The following NOS1 variants were observed in gnomAD, a reference collection of about 807,000 sequenced individuals.
NOS1 encodes the protein nitric oxide synthase 1.
A neutral mutation model predicts 164.5 loss-of-function variants in NOS1; 51 were observed. The observed-to-expected ratio is 0.31, with a 90% CI of 0.25 to 0.39. The LOEUF (loss-of-function observed/expected upper bound fraction) is 0.39. Among genes scored for constraint, NOS1 ranks in the 10% least tolerant of loss-of-function variants. The probability of loss-of-function intolerance (pLI) is 1.00; values close to 1 mark genes in which losing one functional copy is unlikely to be tolerated. For missense variants in NOS1, 1,362 were observed against 1,885.6 expected, an observed-to-expected ratio of 0.72 and a Z score of 5.14; for synonymous variants, 719 against 745.8, an observed-to-expected ratio of 0.96 and a Z score of 0.59.
chr12:117,226,987 C>G (rs2293047), intron 23 of NOS1, among the ~76,000 whole-genome samples: 1 of 151,900 alleles, frequency 6.6e-6, no homozygotes, highest in Non-Finnish European at 1.5e-5. Context: ...AGGGGTGGGT[C>G]GGATTCGAAT....
chr12:117,279,091 T>C lies in NOS1; in HGVS notation c.1525-993A>G, dbSNP rs541301314. 4.3e-4 allele frequency among the ~76,000 whole-genome samples: 66 copies of C among 152,152 alleles called. 1 individual carries two copies. Among genetic ancestry groups the C allele is most frequent in the African/African-American group, 1.5e-3 (63 of 41,552 alleles). On this transcript the variant is annotated intron_variant, in intron 8 of 28. Transcript: ENST00000317775. ...ATTACTATTTCAACATTAAAAATGA[T>C]CAATGGGCCGGGCGCGGTGGCTCAC... is the stretch of plus-strand genomic sequence containing the variant.
At chr12:117,274,044 G>T (rs1872983237) in intron 9 of NOS1, among the ~76,000 whole-genome samples, 1 of 152,058 alleles carries the variant, frequency 6.6e-6, no homozygotes, top group Non-Finnish European at 1.5e-5. Flanking sequence ...AAGAATGGGG[G>T]AAAATATCTG....
chr12:117,318,092 A>C (rs1874749734), intron 2 of NOS1, among the ~76,000 whole-genome samples: 1 of 152,186 alleles, frequency 6.6e-6, no homozygotes, highest in Admixed American at 6.5e-5. Flanking sequence ...GAATCACTTG[A>C]GCCCAGGAGT....
intron 1 of NOS1, among the ~76,000 whole-genome samples, chr12:117,357,852 T>C (rs147654907): frequency 2.0e-4 from 31 of 152,226 alleles, no homozygotes; most frequent in African/African-American, 7.2e-4. Context: ...TGGTCATGTC[T>C]GTAACCTATG....
At chr12:117,311,372 T>C (rs1874423024) in intron 3 of NOS1, 94 bp downstream of exon 3, 2 of 1,406,210 alleles carry the variant, frequency 1.4e-6, no homozygotes, top group African/African-American at 2.9e-5. Context: ...ATGACACAGT[T>C]TAGGATTTAG....
chr12:117,211,356 C>A lies in NOS1; in HGVS notation c.*3953G>T. The A allele has an allele frequency of 1.0e-6, 1 of 985,404 alleles. No individual in the cohort carries two copies. Among genetic ancestry groups the A allele is most frequent in the Non-Finnish European group, 1.2e-6 (1 of 830,006 alleles). The allele number at this position is 985,404 out of a possible 1,614,324, so 61.0% of individuals were successfully genotyped here. A position where few individuals can be genotyped will look rare whatever the true frequency, so the allele number is the denominator to read the frequency against. On this transcript the variant is annotated 3_prime_UTR_variant, in exon 29 of 29. Coordinates refer to ENST00000317775, the MANE Select transcript of NOS1 (RefSeq NM_000620.5). ...CCTGGAGTCTCTTTATCACTACATC[C>A]GCCTCTTCCCTCACTCAAGCCTTGG... is the stretch of plus-strand genomic sequence containing the variant.
At chr12:117,260,129 A>C (rs1001622224) in intron 14 of NOS1, among the ~76,000 whole-genome samples, 4 of 142,154 alleles carry the variant, frequency 2.8e-5, no homozygotes, top group Admixed American at 1.3e-4. Context: ...AAAAAAAAAA[A>C]AAAACAAAAA....
intron 1 of NOS1, among the ~76,000 whole-genome samples, chr12:117,337,588 C>G (rs1387351174): frequency 3.3e-5 from 5 of 152,118 alleles, no homozygotes; most frequent in Admixed American, 3.3e-4. Context: ...GAAGACACTT[C>G]TTAAAGTTTT....
At chr12:117,252,590 A>T (rs1307318856) in intron 17 of NOS1, among the ~76,000 whole-genome samples, 3 of 152,236 alleles carry the variant, frequency 2.0e-5, no homozygotes, top group Non-Finnish European at 4.4e-5. Context: ...TTGTAGGTAC[A>T]TCAGTTCTAA....
chr12:117,270,403 G>C (rs887748050), intron 10 of NOS1, among the ~76,000 whole-genome samples: 3 of 152,028 alleles, frequency 2.0e-5, no homozygotes, highest in South Asian at 2.1e-4. Context: ...AGAGATCAGA[G>C]AGCAGACTTA....
intron 16 of NOS1, among the ~76,000 whole-genome samples, chr12:117,256,284 G>GTTGTTTTTTTTTTTTTTTTTTTTTTT (rs549611283): frequency 8.4e-6 from 1 of 118,488 alleles, no homozygotes; most frequent in African/African-American, 3.8e-5. Context: ...GGGATTTTCT[G>GTTGTTTTTTTTTTTTTTTTTTTTTTT]TTTTTTTTTT....
At chr12:117,232,540 T>C (rs9658489) in intron 21 of NOS1, among the ~76,000 whole-genome samples, 2 of 152,186 alleles carry the variant, frequency 1.3e-5, no homozygotes, top group Non-Finnish European at 2.9e-5. Flanking sequence ...ACACATTCTA[T>C]ATGCCGAGTA....
chr12:117,285,992 A>G, intron 6 of NOS1, 112 bp downstream of exon 6: 1 of 1,220,402 alleles, frequency 8.2e-7, no homozygotes, highest in Non-Finnish European at 1.2e-6. Flanking sequence ...ATAGGTCACC[A>G]TGGCTACCAG....
intron 1 of NOS1, among the ~76,000 whole-genome samples, chr12:117,359,782 T>C (rs898701657): frequency 6.7e-6 from 1 of 150,056 alleles, no homozygotes; most frequent in Non-Finnish European, 1.5e-5. Context: ...TGTAGTACCC[T>C]GTGGGGTAGA....
At chr12:117,251,929 T>G (rs1342944198) in intron 17 of NOS1, among the ~76,000 whole-genome samples, 1 of 149,108 alleles carries the variant, frequency 6.7e-6, no homozygotes, top group Non-Finnish European at 1.5e-5. Context: ...AACAGGGTTT[T>G]GCTATGTTGC....
At chr12:117,321,758 C>G (rs1357411435) in intron 2 of NOS1, among the ~76,000 whole-genome samples, 1 of 152,126 alleles carries the variant, frequency 6.6e-6, no homozygotes, top group Non-Finnish European at 1.5e-5. Flanking sequence ...GTGCTTCTGA[C>G]TCAGACAGTC....
intron 24 of NOS1, among the ~76,000 whole-genome samples, chr12:117,225,446 T>C (rs1487323847): frequency 1.3e-5 from 2 of 152,132 alleles, no homozygotes; most frequent in Non-Finnish European, 2.9e-5. Flanking sequence ...TCCTTTGTCG[T>C]GGCACTGTCC....
intron 18 of NOS1, among the ~76,000 whole-genome samples, chr12:117,246,554 C>G (rs1218049479): frequency 6.6e-6 from 1 of 152,158 alleles, no homozygotes; most frequent in Admixed American, 6.6e-5. Flanking sequence ...TGCAACCCTT[C>G]CCATTACCTG....
In NOS1 at chr12:117,212,654, C is replaced by T. The variant is rs146322728; in HGVS notation, c.*2655G>A. ...CAGGGGGAAGAGGGAAATAAATGGG[C>T]CATAACCCGAATAACCCCCAAATAT... is the stretch of plus-strand genomic sequence containing the variant. On this transcript the variant is annotated 3_prime_UTR_variant, in exon 29 of 29. Transcript: ENST00000317775. 1.2e-3 allele frequency: 1,180 copies of T among 985,420 alleles called. No homozygotes were observed. The highest frequency in any genetic ancestry group is 1.4e-3 in the Non-Finnish European group (1,128 of 829,934). The allele number at this position is 985,420 out of a possible 1,614,324, so 61.0% of individuals were successfully genotyped here. A position where few individuals can be genotyped will look rare whatever the true frequency, so the allele number is the denominator to read the frequency against.
Sources: gnomAD v4.1 joint callset for allele counts (sites outside exome capture counted in the v4.1 genomes callset) on GRCh38, gnomAD v4.1.1 for gene constraint, MANE v1.5 for transcripts, NCBI Gene and HGNC (gene_info 2026-07-23, HGNC 2026-07-21) for gene names.